The following SLC39A10 variants were observed in gnomAD, a reference collection of about 807,000 sequenced individuals.
The protein encoded by SLC39A10 is solute carrier family 39 member 10, also known as zinc transporter ZIP10.
In SLC39A10, 13 loss-of-function variants were observed where a neutral mutation model predicts 65.1. The ratio of observed to expected loss-of-function variants is 0.20; its 90% CI spans 0.13 to 0.32. The LOEUF is 0.32. Among genes scored for constraint, SLC39A10 ranks in the 10% least tolerant of loss-of-function variants. SLC39A10 has a pLI of 1.00. For missense variants in SLC39A10, 831 were observed against 1,018.4 expected, an observed-to-expected ratio of 0.82 and a Z score of 2.50; for synonymous variants, 321 against 342.2, an observed-to-expected ratio of 0.94 and a Z score of 0.68.
intron 1 of SLC39A10, among the ~76,000 whole-genome samples, chr2:195,670,701 A>C (rs953212547): frequency 1.3e-5 from 2 of 152,184 alleles, no homozygotes; most frequent in Non-Finnish European, 2.9e-5. Flanking sequence ...AACATGTACT[A>C]CAGTTATGTT....
chr2:195,727,145 T>G (rs1692272010), intron 8 of SLC39A10, among the ~76,000 whole-genome samples: 1 of 152,150 alleles, frequency 6.6e-6, no homozygotes, highest in Non-Finnish European at 1.5e-5. Flanking sequence ...GCAGATAATG[T>G]TCCAACTTTA....
intron 9 of SLC39A10, among the ~76,000 whole-genome samples, chr2:195,729,961 A>ATTTTTTTTTTTTTT (rs58936616): frequency 2.2e-5 from 2 of 92,136 alleles, no homozygotes; most frequent in Non-Finnish European, 2.0e-5. Flanking sequence ...ACCATGCCTA[A>ATTTTTTTTTTTTTT]TTTTTTTTTT....
chr2:195,631,603 G>A (rs560476802), intron 2 of SLC39A10, among the ~76,000 whole-genome samples: 1 of 152,212 alleles, frequency 6.6e-6, no homozygotes, highest in South Asian at 2.1e-4. Context: ...AGAGATGTGG[G>A]AAAAGTATTG....
intron 1 of SLC39A10, among the ~76,000 whole-genome samples, chr2:195,669,736 A>G (rs752509372): frequency 6.6e-6 from 1 of 152,104 alleles, no homozygotes; most frequent in Admixed American, 6.6e-5. Context: ...GATGGCTTAC[A>G]CCTGTAATCC....
chr2:195,655,788 A>G (rs745743653), upstream of SLC39A10, among the ~76,000 whole-genome samples: 1 of 152,248 alleles, frequency 6.6e-6, no homozygotes, highest in African/African-American at 2.4e-5. Flanking sequence ...GCATATGAGT[A>G]GTTCAGTGTT....
chr2:195,650,555 T>G (rs1689011277), intron 2 of SLC39A10, among the ~76,000 whole-genome samples: 1 of 152,136 alleles, frequency 6.6e-6, no homozygotes, highest in South Asian at 2.1e-4. Flanking sequence ...CACCTTTTAT[T>G]TGTATTGCCA....
chr2:195,724,510 A>C (rs901430464), intron 8 of SLC39A10, among the ~76,000 whole-genome samples: 3 of 152,230 alleles, frequency 2.0e-5, no homozygotes, highest in African/African-American at 7.2e-5. Context: ...TACAAAGATA[A>C]GTATACAAAA....
upstream of SLC39A10, among the ~76,000 whole-genome samples, chr2:195,654,712 A>G (rs184857302): frequency 5.3e-4 from 81 of 152,332 alleles, no homozygotes; most frequent in South Asian, 2.7e-3. Flanking sequence ...TTTTATGATT[A>G]TAACATATTA....
At chr2:195,659,633 C>T (rs546688776) in intron 1 of SLC39A10, among the ~76,000 whole-genome samples, 1 of 152,140 alleles carries the variant, frequency 6.6e-6, no homozygotes, top group Non-Finnish European at 1.5e-5. Flanking sequence ...TTTAAAAGTT[C>T]AAAACCTTGA....
At chr2:195,648,821 C>T (rs2105711526) in intron 2 of SLC39A10, among the ~76,000 whole-genome samples, 1 of 152,278 alleles carries the variant, frequency 6.6e-6, no homozygotes, top group South Asian at 2.1e-4. Context: ...ACAGTAATAT[C>T]CACCTCAGAG....
chr2:195,702,652 G>A (rs965761396), intron 3 of SLC39A10, among the ~76,000 whole-genome samples: 6 of 152,036 alleles, frequency 3.9e-5, no homozygotes, highest in African/African-American at 1.4e-4. Context: ...TACTATTAAG[G>A]CCATGTTTCA....
chr2:195,647,214 G>A (rs1008290411), intron 2 of SLC39A10, among the ~76,000 whole-genome samples: 8 of 152,130 alleles, frequency 5.3e-5, no homozygotes, highest in Non-Finnish European at 1.0e-4. Context: ...ATTAGCATGT[G>A]GATGTCTTTA....
chr2:195,647,677 A>T (rs1041602245), intron 2 of SLC39A10, among the ~76,000 whole-genome samples: 1 of 120,142 alleles, frequency 8.3e-6, no homozygotes, highest in Non-Finnish European at 1.7e-5. Context: ...TACTGTAATT[A>T]TCTCTTTAAT....
At position 195,735,425 on chromosome 2, in the gene SLC39A10, T is replaced by G. The variant is rs13391047; in HGVS notation, c.*384T>G. ...ACTTTAAAAATATTTTAAATGGACTTTGGGGAGACATTTTTTGTGTGTTTT... is the reference window on the plus strand; with the variant it reads ...ACTTTAAAAATATTTTAAATGGACTGTGGGGAGACATTTTTTGTGTGTTTT... On this transcript the variant is annotated 3_prime_UTR_variant, in exon 10 of 10. Coordinates refer to ENST00000359634, the MANE Select transcript of SLC39A10 (RefSeq NM_020342.3). 0.023 allele frequency: 3,491 copies of G among 154,662 alleles called. 55 individuals carry two copies. The highest frequency in any genetic ancestry group is 0.03 in the Non-Finnish European group (2,087 of 69,526). The allele number at this position is 154,662 out of a possible 1,614,324, so 9.6% of individuals were successfully genotyped here. A position where few individuals can be genotyped will look rare whatever the true frequency, so the allele number is the denominator to read the frequency against.
chr2:195,657,327 G>A (rs1278586851), intron 1 of SLC39A10, 46 bp downstream of exon 1: 7 of 943,718 alleles, frequency 7.4e-6, no homozygotes, highest in Non-Finnish European at 8.8e-6. Context: ...CCCCAGAACC[G>A]GCCCCGTGCG....
Position 195,737,241 on chromosome 2 carries a change from A to ATTTCT in SLC39A10, c.*2204_*2208dup, listed in dbSNP as rs767754622. 7 of 152,630 alleles carry ATTTCT rather than the reference A, an allele frequency of 4.6e-5. No individual in the cohort carries two copies. Among genetic ancestry groups the ATTTCT allele is most frequent in the Non-Finnish European group, 7.3e-5 (5 of 68,082 alleles). The allele number at this position is 152,630 out of a possible 1,614,324, so 9.5% of individuals were successfully genotyped here. ...TAATAGACAATCTGAATTCCACTAC[A>ATTTCT]TTTCTTTTGGCTCCAACATTCCTTT... On this transcript the variant is annotated 3_prime_UTR_variant, in exon 10 of 10. Coordinates refer to ENST00000359634, the MANE Select transcript of SLC39A10 (RefSeq NM_020342.3).
intron 6 of SLC39A10, among the ~76,000 whole-genome samples, chr2:195,714,736 T>C (rs1691724521): frequency 6.6e-6 from 1 of 152,224 alleles, no homozygotes; most frequent in African/African-American, 2.4e-5. Flanking sequence ...TAAATCCAAA[T>C]TTAGTTATTC....
At chr2:195,664,508 A>G (rs971835708) in intron 1 of SLC39A10, among the ~76,000 whole-genome samples, 3 of 152,178 alleles carry the variant, frequency 2.0e-5, no homozygotes, top group Non-Finnish European at 4.4e-5. Context: ...AAGGGAAAAC[A>G]TGATCAAAAT....
chr2:195,725,867 G>A (rs1222368898), intron 8 of SLC39A10, among the ~76,000 whole-genome samples: 1 of 152,128 alleles, frequency 6.6e-6, no homozygotes, highest in African/African-American at 2.4e-5. Flanking sequence ...ACTACATACT[G>A]TGTGCTTCCA....
Sources: gnomAD v4.1 joint callset for allele counts (sites outside exome capture counted in the v4.1 genomes callset) on GRCh38, gnomAD v4.1.1 for gene constraint, MANE v1.5 for transcripts, NCBI Gene and HGNC (gene_info 2026-07-23, HGNC 2026-07-21) for gene names.